Variants in U2SURP observed in about 807,000 individuals in gnomAD.
The protein encoded by U2SURP is U2 snRNP-associated SURP motif-containing protein.
In U2SURP, 9 loss-of-function variants were observed where a neutral mutation model predicts 144.9. That is an observed-to-expected ratio of 0.06 (90% CI 0.04 to 0.11). The LOEUF (loss-of-function observed/expected upper bound fraction) is 0.11. U2SURP is among the 10% of genes least tolerant of loss of function. U2SURP has a pLI of 1.00. For synonymous variants in U2SURP, 408 were observed against 396.8 expected (o/e 1.03, Z -0.33); for missense variants, 724 against 1,226.7 (o/e 0.59, Z 6.12).
intron 11 of U2SURP, 54 bp from the exon 12 acceptor site, chr3:143,022,799 T>C (rs1272705472): frequency 6.8e-7 from 1 of 1,475,090 alleles, no homozygotes; most frequent in Non-Finnish European, 9.0e-7. Flanking sequence ...CAGAAAAATT[T>C]TGTTTGGAAA....
In U2SURP at chr3:143,028,261, T is replaced by A. The variant is rs188468456; in HGVS notation, c.1380-79T>A. 29 of 1,433,928 alleles carry A rather than the reference T, an allele frequency of 2.0e-5. No homozygotes were observed. In the East Asian group the frequency reaches 6.7e-4, roughly 33 times the overall value. 88.8% of individuals were successfully genotyped at this position (1,433,928 alleles called of 1,614,324 possible). ...TTTAGAACTAAATAGGCAAATAATA[T>A]TTCTCATTTATTTATATTTAATTGA... On this transcript the variant is annotated intron_variant, in intron 14 of 27. Transcript: ENST00000473835.
At chr3:143,031,404 C>G (rs1307991181) in intron 16 of U2SURP, among the ~76,000 whole-genome samples, 1 of 151,908 alleles carries the variant, frequency 6.6e-6, no homozygotes, top group Non-Finnish European at 1.5e-5. Flanking sequence ...TGCAGCCACC[C>G]CAACCTTCAG....
At chr3:143,032,984 A>G (rs1933590863) in intron 17 of U2SURP, 38 bp downstream of exon 17, 2 of 1,591,960 alleles carry the variant, frequency 1.3e-6, no homozygotes, top group African/African-American at 1.3e-5. Flanking sequence ...GAGATAGTTG[A>G]CGTCTTTTGG....
At chr3:143,045,319 A>G (rs555883791) in intron 24 of U2SURP, among the ~76,000 whole-genome samples, 2 of 151,404 alleles carry the variant, frequency 1.3e-5, no homozygotes, top group Non-Finnish European at 2.9e-5. Context: ...CAGTGAGCCA[A>G]GATCATGCCA....
intron 1 of U2SURP, among the ~76,000 whole-genome samples, chr3:143,001,886 A>G (rs1217486125): frequency 1.3e-5 from 2 of 152,184 alleles, no homozygotes; most frequent in Non-Finnish European, 2.9e-5. Context: ...TGGCGTGCCC[A>G]GTGGGTGGAG....
chr3:143,052,019 CAG>C (rs1934897886), intron 25 of U2SURP, among the ~76,000 whole-genome samples: 1 of 152,106 alleles, frequency 6.6e-6, no homozygotes, highest in African/African-American at 2.4e-5. Flanking sequence ...CAGAGGGAGT[CAG>C]TCTGCTTAGC....
intron 14 of U2SURP, 101 bp downstream of exon 14, chr3:143,027,354 G>A: frequency 1.2e-6 from 1 of 834,350 alleles, no homozygotes; most frequent in Non-Finnish European, 1.8e-6. Context: ...CATTCACATT[G>A]TTGTACAACC....
chr3:143,004,124 T>C (rs1935694857), intron 1 of U2SURP, among the ~76,000 whole-genome samples: 1 of 152,230 alleles, frequency 6.6e-6, no homozygotes, highest in Non-Finnish European at 1.5e-5. Flanking sequence ...AAAGAACAGA[T>C]GAGTGGCTTA....
intron 18 of U2SURP, 101 bp downstream of exon 18, chr3:143,033,451 G>A (rs1449869): frequency 0.65 from 413,401 of 634,120 alleles, 135,982 homozygotes; most frequent in African/African-American, 0.78. Context: ...AGAATAAGAA[G>A]TACAGTCAGC....
Position 143,060,037 on chromosome 3 carries a change from TC to T in U2SURP, c.*3589del, listed in dbSNP as rs1311076202. 6.6e-6 allele frequency: 1 copy of T among 152,462 alleles called. No homozygotes were observed. Among genetic ancestry groups the T allele is most frequent in the African/African-American group, 2.4e-5 (1 of 41,434 alleles). The allele number at this position is 152,462 out of a possible 1,614,324, so 9.4% of individuals were successfully genotyped here. A position where few individuals can be genotyped will look rare whatever the true frequency, so the allele number is the denominator to read the frequency against. ...CTAAAAGGTGGGAATGTGCTGCTGT[TC>T]CGTGAGCCTTGTTCCATTGTTGAAA... On this transcript the variant is annotated 3_prime_UTR_variant, in exon 28 of 28. Coordinates refer to ENST00000473835, the MANE Select transcript of U2SURP (RefSeq NM_001080415.2).
chr3:143,036,219 T>G (rs1933801758), intron 20 of U2SURP, 115 bp downstream of exon 20: 2 of 1,190,574 alleles, frequency 1.7e-6, no homozygotes, highest in African/African-American at 3.1e-5. Context: ...AAATATCTAT[T>G]GCTTACCATT....
intron 21 of U2SURP, among the ~76,000 whole-genome samples, chr3:143,037,772 A>C (rs374869724): frequency 1.8e-3 from 268 of 152,250 alleles, no homozygotes; most frequent in Non-Finnish European, 2.5e-3. Flanking sequence ...GCTCTTTGGT[A>C]CATTTGAATT....
rs140620706 is a variant in U2SURP, at chr3:143,028,472, AT to A, written c.1447-10del. The stretch of plus-strand genomic sequence containing the variant: ...AATTAGACCTTTATAATAACTCTAA[AT>A]GTTTGTTAGGGAGATTCTCCAACTA... On this transcript the variant is annotated splice_polypyrimidine_tract_variant and intron_variant, in intron 15 of 27. Transcript: ENST00000473835. 5 of 1,599,816 alleles carry A rather than the reference AT, an allele frequency of 3.1e-6. No individual in the cohort carries two copies. The highest frequency in any genetic ancestry group is 4.3e-6 in the Non-Finnish European group (5 of 1,176,212).
intron 13 of U2SURP, among the ~76,000 whole-genome samples, chr3:143,025,092 CAATT>C (rs1281499738): frequency 1.2e-4 from 18 of 152,084 alleles, no homozygotes; most frequent in Admixed American, 3.3e-4. Flanking sequence ...AAGTTAATAA[CAATT>C]AATTGTCAGA....
In U2SURP at chr3:143,052,112, C is replaced by T. The variant is rs979549228; in HGVS notation, c.2655+1063C>T. Among the ~76,000 whole-genome samples the T allele has an allele frequency of 4.6e-5, 7 of 152,234 alleles. No individual in the cohort carries two copies. The East Asian group carries it at 5.8e-4, about 13-fold the overall frequency. On this transcript the variant is annotated intron_variant, in intron 25 of 27. Transcript: ENST00000473835. The stretch of plus-strand genomic sequence containing the variant: ...GTAAAAGATGCTACTTATGGCTGGG[C>T]GCAGTTGCTCACGCCTGTAATCCCA...
intron 25 of U2SURP, among the ~76,000 whole-genome samples, chr3:143,051,960 ATCATTT>A (rs1267266572): frequency 3.3e-5 from 5 of 152,154 alleles, no homozygotes; most frequent in East Asian, 1.9e-4. Context: ...CAATTAGGAG[ATCATTT>A]TCATTTTCAT....
At chr3:143,007,543 G>A (rs1037338217) in intron 1 of U2SURP, among the ~76,000 whole-genome samples, 8 of 149,686 alleles carry the variant, frequency 5.3e-5, no homozygotes, top group Admixed American at 6.7e-5. Context: ...CCGGGTTCAC[G>A]TCATTCTCCT....
chr3:143,016,883 C>A lies in U2SURP; in HGVS notation c.478C>A (p.Pro160Thr). ...TGAAAAAAGAGGTAAAATCTATAAG[C>A]CATCTTCAAGATTTGCAGATCAAAA... is the stretch of plus-strand genomic sequence containing the variant. Reference protein sequence around the residue: ...TDEKRGKIYKPSSRFADQKNP... With the variant: ...TDEKRGKIYKTSSRFADQKNP... Residue 160 changes from proline (P) to threonine (T), a missense_variant, in exon 6 of 28, where the codon CCA becomes ACA. By Grantham distance (38) the Pro-to-Thr change is conservative (BLOSUM62 -1). Around this residue, in one of 13 missense-constraint regions of U2SURP, gnomAD observed 115 missense variants for 258.1 expected, o/e 0.45. Transcript: ENST00000473835. 6.3e-7 allele frequency: 1 copy of A among 1,587,508 alleles called. No homozygotes were observed. The highest frequency in any genetic ancestry group is 8.5e-7 in the Non-Finnish European group (1 of 1,169,944).
At chr3:143,050,913 T>A (rs1478725371) in intron 24 of U2SURP, 26 bp from the exon 25 acceptor site, 1 of 1,482,178 alleles carries the variant, frequency 6.7e-7, no homozygotes, top group Non-Finnish European at 9.3e-7. Context: ...TGAAAATGCT[T>A]ATTTTTAAAA....
Sources: allele counts gnomAD v4.1 joint callset (sites outside exome capture counted in the v4.1 genomes callset), GRCh38; gene constraint gnomAD v4.1.1; regional missense constraint gnomAD v4.1.1; transcripts MANE v1.5; gene names NCBI Gene and HGNC (gene_info 2026-07-23, HGNC 2026-07-21).